The following CMSS1 variants were observed in gnomAD, a reference collection of about 807,000 sequenced individuals.
CMSS1 encodes cms1 ribosomal small subunit homolog, also known as protein CMSS1.
Under a neutral mutation model 43.5 loss-of-function variants are expected in CMSS1, and 33 were observed. That is an observed-to-expected ratio of 0.76 (90% CI 0.57 to 1.01). The LOEUF is 1.01. Ranked by LOEUF, CMSS1 falls within the 50% of genes least tolerant of loss-of-function variation. CMSS1 has a pLI of 0.00. For missense variants in CMSS1, 313 were observed against 326.4 expected (o/e 0.96, Z 0.32); for synonymous variants, 115 against 117.2 (o/e 0.98, Z 0.12).
rs1224918040 is a variant in CMSS1, at chr3:100,162,165, G to A, written c.226-138G>A. 5 of 602,928 alleles carry A rather than the reference G, an allele frequency of 8.3e-6. No individual in the cohort carries two copies. The Admixed American group carries it at 1.0e-4, about 12-fold the overall frequency. 37.3% of individuals were successfully genotyped at this position (602,928 alleles called of 1,614,324 possible). On this transcript the variant is annotated intron_variant, in intron 3 of 9. Transcript: ENST00000421999. ...AAGTATTTAGTGAATTTTCTCAAAT[G>A]TATTTATTAAAACCCACATTCACAC... is the stretch of plus-strand genomic sequence containing the variant.
At chr3:99,876,059 C>T (rs1044633256) in intron 1 of CMSS1, 2 of 985,848 alleles carry the variant, frequency 2.0e-6, no homozygotes, top group Admixed American at 6.1e-5. Flanking sequence ...CGAAGTTGCT[C>T]TCCCGGGCTT....
At chr3:99,947,142 A>AAAG in intron 1 of CMSS1, among the ~76,000 whole-genome samples, 1 of 151,140 alleles carries the variant, frequency 6.6e-6, no homozygotes, top group Non-Finnish European at 1.5e-5. Context: ...TGTCTCAAAA[A>AAAG]AAAAAAAAAA....
chr3:99,933,209 A>G (rs930179077), intron 1 of CMSS1, among the ~76,000 whole-genome samples: 9 of 152,220 alleles, frequency 5.9e-5, no homozygotes, highest in Non-Finnish European at 1.0e-4. Flanking sequence ...AGACAAATGC[A>G]TATATACACT....
chr3:99,823,395 C>T (rs1048994995), intron 1 of CMSS1, among the ~76,000 whole-genome samples: 5 of 152,148 alleles, frequency 3.3e-5, no homozygotes, highest in African/African-American at 1.2e-4. Context: ...GCTTTTTCTC[C>T]AAACTTTCCT....
intron 1 of CMSS1, among the ~76,000 whole-genome samples, chr3:100,017,081 T>A (rs1299642491): frequency 2.6e-5 from 4 of 152,250 alleles, no homozygotes; most frequent in Non-Finnish European, 5.9e-5. Context: ...TAAAGACTTC[T>A]ATAGCACCTC....
intron 1 of CMSS1, chr3:99,849,832 G>C (rs200994891): frequency 2.2e-5 from 35 of 1,611,238 alleles, no homozygotes; most frequent in Non-Finnish European, 2.8e-5. Context: ...TAATGCTGTT[G>C]TGGATTTCCC....
At chr3:99,865,746 A>C (rs190420945) in intron 1 of CMSS1, among the ~76,000 whole-genome samples, 1 of 151,746 alleles carries the variant, frequency 6.6e-6, no homozygotes, top group African/African-American at 2.4e-5. Flanking sequence ...CTTCAAGGGC[A>C]TAATAATAAA....
Position 99,938,050 on chromosome 3 carries a change from AGTGT to A in CMSS1, c.64+120029_64+120032del, listed in dbSNP as rs71625545. On this transcript the variant is annotated intron_variant, in intron 1 of 9. Transcript: ENST00000421999. Reference sequence around the variant, plus strand: ...ACTGGTGCCTGCAAAAGGCTCAGGAAGTGTGTGTGTGTGTGTGTGTGTGTGCGCG... The same window carrying A: ...ACTGGTGCCTGCAAAAGGCTCAGGAAGTGTGTGTGTGTGTGTGTGTGCGCG... Among the ~76,000 whole-genome samples, 1,191 of 148,994 alleles carry A rather than the reference AGTGT, an allele frequency of 8.0e-3. 7 individuals are homozygous for A. The highest frequency in any genetic ancestry group is 0.03 in the East Asian group (150 of 5,010).
intron 1 of CMSS1, among the ~76,000 whole-genome samples, chr3:100,023,104 G>A (rs1350166480): frequency 6.6e-6 from 1 of 152,218 alleles, no homozygotes; most frequent in Admixed American, 6.5e-5. Context: ...AAGAGATGGT[G>A]CCTGAGAATG....
intron 1 of CMSS1, among the ~76,000 whole-genome samples, chr3:100,089,619 C>A (rs1462422491): frequency 6.6e-6 from 1 of 152,114 alleles, no homozygotes; most frequent in Non-Finnish European, 1.5e-5. Flanking sequence ...CATTATGGTT[C>A]TTTATATGAT....
rs796296540 is a variant in CMSS1 at position 99,983,418 on chromosome 3, A to G, written c.65-163555A>G. Reference sequence around the variant, plus strand: ...TATATATATATATATATATATATATATGTATGTATGTATGTATATATATGT... The same window carrying G: ...TATATATATATATATATATATATATGTGTATGTATGTATGTATATATATGT... On this transcript the variant is annotated intron_variant, in intron 1 of 9. Coordinates refer to ENST00000421999, the MANE Select transcript of CMSS1 (RefSeq NM_032359.4). 5.3e-3 allele frequency among the ~76,000 whole-genome samples: 432 copies of G among 82,066 alleles called. 24 individuals are homozygous for G. The South Asian group carries it at 0.075, about 14-fold the overall frequency. The allele number at this position is 82,066 out of a possible 152,430, so 53.8% of individuals were successfully genotyped here.
chr3:100,146,168 G>A (rs937766603), intron 1 of CMSS1, among the ~76,000 whole-genome samples: 6 of 152,196 alleles, frequency 3.9e-5, no homozygotes, highest in Non-Finnish European at 8.8e-5. Context: ...GCGACATTAT[G>A]GGAAATAAGA....
intron 1 of CMSS1, among the ~76,000 whole-genome samples, chr3:100,029,622 A>G (rs907202425): frequency 3.9e-5 from 6 of 152,168 alleles, no homozygotes; most frequent in Non-Finnish European, 4.4e-5. Flanking sequence ...CACTAAAATA[A>G]AAAAGCAAAT....
intron 2 of CMSS1, among the ~76,000 whole-genome samples, chr3:100,158,538 A>T (rs1010154803): frequency 6.6e-6 from 1 of 152,202 alleles, no homozygotes; most frequent in African/African-American, 2.4e-5. Flanking sequence ...TCTCACCTCT[A>T]TGGAAATTGA....
chr3:100,014,888 TTTCTTTC>T (rs1710283452), intron 1 of CMSS1, among the ~76,000 whole-genome samples: 3 of 109,092 alleles, frequency 2.7e-5, no homozygotes, highest in Admixed American at 1.0e-4. Flanking sequence ...TTTTTTTTTC[TTTCTTTC>T]TTTTTTTTTT....
chr3:99,954,161 A>G (rs1461003391), intron 1 of CMSS1, among the ~76,000 whole-genome samples: 1 of 152,248 alleles, frequency 6.6e-6, no homozygotes, highest in Non-Finnish European at 1.5e-5. Context: ...ATTGGTCTTC[A>G]TATTTCACAG....
At chr3:99,841,909 G>A (rs1342616459) in intron 1 of CMSS1, among the ~76,000 whole-genome samples, 1 of 152,140 alleles carries the variant, frequency 6.6e-6, no homozygotes, top group Non-Finnish European at 1.5e-5. Context: ...GTACGAGCAT[G>A]GAAAACAGTG....
chr3:99,978,401 TG>T (rs1709028357), intron 1 of CMSS1, among the ~76,000 whole-genome samples: 1 of 152,156 alleles, frequency 6.6e-6, no homozygotes, highest in Non-Finnish European at 1.5e-5. Context: ...CATCAATAGA[TG>T]AATGGATAAA....
rs138026186 is a variant in CMSS1, at chr3:100,130,691, T to C, written c.65-16282T>C. Among the ~76,000 whole-genome samples, 1,521 of 152,334 alleles carry C rather than the reference T, an allele frequency of 1.0e-2. 12 individuals are homozygous for C. The highest frequency in any genetic ancestry group is 0.035 in the African/African-American group (1,444 of 41,568). ...TGTTTTGTTGTAATATAGCTATGCATACTCCTTTACATATTCTCAATGGCT... is the reference window on the plus strand; with the variant it reads ...TGTTTTGTTGTAATATAGCTATGCACACTCCTTTACATATTCTCAATGGCT... On this transcript the variant is annotated intron_variant, in intron 1 of 9. Coordinates refer to ENST00000421999, the MANE Select transcript of CMSS1 (RefSeq NM_032359.4).
Sources: gnomAD v4.1 joint callset for allele counts (sites outside exome capture counted in the v4.1 genomes callset) on GRCh38, gnomAD v4.1.1 for gene constraint, MANE v1.5 for transcripts, NCBI Gene and HGNC (gene_info 2026-07-23, HGNC 2026-07-21) for gene names.